The following FRMD3 variants were observed in gnomAD, a reference collection of about 807,000 sequenced individuals.
FRMD3 encodes the protein FERM domain-containing protein 3.
Under a neutral mutation model 70.2 loss-of-function variants are expected in FRMD3, and 33 were observed. The observed-to-expected ratio is 0.47, with a 90% CI of 0.36 to 0.63. The LOEUF (loss-of-function observed/expected upper bound fraction) is 0.63, where lower values mean the gene tolerates loss of function less well. FRMD3 is among the 20% of genes least tolerant of loss of function. The probability of loss-of-function intolerance (pLI) is 0.00; values close to 1 mark genes in which losing one functional copy is unlikely to be tolerated. For missense variants in FRMD3, 632 were observed against 711.4 expected (o/e 0.89, Z 1.27); for synonymous variants, 279 against 255.9 (o/e 1.09, Z -0.86).
chr9:83,524,202 G>T (rs1355937587), intron 1 of FRMD3, among the ~76,000 whole-genome samples: 1 of 152,160 alleles, frequency 6.6e-6, no homozygotes, highest in Non-Finnish European at 1.5e-5. Context: ...ACATTAAAGG[G>T]CAGATAGAAA....
intron 1 of FRMD3, among the ~76,000 whole-genome samples, chr9:83,534,685 A>G (rs1829855029): frequency 6.6e-6 from 1 of 152,218 alleles, no homozygotes; most frequent in Admixed American, 6.5e-5. Context: ...TCTGAAATAT[A>G]AGGACACAGT....
rs980673939 is a variant in FRMD3, at chr9:83,302,646, G to A, written c.927-3460C>T. Among the ~76,000 whole-genome samples the A allele has an allele frequency of 7.3e-5, 11 of 151,542 alleles. No homozygotes were observed. In the South Asian group the frequency reaches 1.5e-3, roughly 20 times the overall value. ...AATATCAATCTCAAACCTCTTCATC[G>A]CCTTCTCACTATGAAGCTACCAAAG... On this transcript the variant is annotated intron_variant, in intron 10 of 13. Transcript: ENST00000304195.
At chr9:83,297,878 G>A (rs1410946899) in intron 12 of FRMD3, 28 of 469,502 alleles carry the variant, frequency 6.0e-5, no homozygotes, top group South Asian at 1.4e-4. Flanking sequence ...AATGCCATCT[G>A]GATGCTTCTC....
intron 5 of FRMD3, among the ~76,000 whole-genome samples, chr9:83,339,720 G>A (rs373581306): frequency 6.6e-6 from 1 of 152,098 alleles, no homozygotes; most frequent in African/African-American, 2.4e-5. Context: ...AACCAACAAC[G>A]CAGGGTCACA....
At position 83,291,498 on chromosome 9, in the gene FRMD3, AC is replaced by A. The variant is rs1834417664; in HGVS notation, c.1071-772del. 2.0e-5 allele frequency among the ~76,000 whole-genome samples: 3 copies of A among 152,142 alleles called. No individual in the cohort carries two copies. In the South Asian group the frequency reaches 6.2e-4, roughly 31 times the overall value. ...CCTGTCAAAACCAAAACCAGTGCAT[AC>A]TTTAAAAAGGAGTCAAATGTTTCCT... On this transcript the variant is annotated intron_variant, in intron 12 of 13. Coordinates refer to ENST00000304195, the MANE Select transcript of FRMD3 (RefSeq NM_174938.6).
chr9:83,388,516 A>T (rs1327013467), intron 2 of FRMD3, among the ~76,000 whole-genome samples: 1 of 152,200 alleles, frequency 6.6e-6, no homozygotes, highest in African/African-American at 2.4e-5. Flanking sequence ...GACCCACCCC[A>T]TGAGCCAGGG....
At chr9:83,467,346 C>G (rs1828155067) in intron 1 of FRMD3, among the ~76,000 whole-genome samples, 1 of 152,052 alleles carries the variant, frequency 6.6e-6, no homozygotes, top group Non-Finnish European at 1.5e-5. Flanking sequence ...ACCATTATTA[C>G]CAAAGGGATT....
At chr9:83,478,405 C>T (rs1311839705) in intron 1 of FRMD3, among the ~76,000 whole-genome samples, 5 of 152,058 alleles carry the variant, frequency 3.3e-5, no homozygotes, top group East Asian at 1.9e-4. Context: ...AAATGATGCT[C>T]GACATCACTA....
chr9:83,538,825 G>C (rs1829961254), upstream of FRMD3, among the ~76,000 whole-genome samples: 1 of 152,212 alleles, frequency 6.6e-6, no homozygotes, highest in African/African-American at 2.4e-5. This position sits in a 1 kb window ranked among gnomAD's most constrained non-coding sequence, Gnocchi z 4.7. Flanking sequence ...GGGACGGAGA[G>C]CGATCCTGAC....
chr9:83,508,887 T>C (rs1428164933), intron 1 of FRMD3, among the ~76,000 whole-genome samples: 1 of 152,100 alleles, frequency 6.6e-6, no homozygotes, highest in Non-Finnish European at 1.5e-5. Context: ...CTAAAATGTG[T>C]ACTATCTGGT....
chr9:83,350,145 C>A (rs1824097319), intron 3 of FRMD3, among the ~76,000 whole-genome samples: 2 of 151,970 alleles, frequency 1.3e-5, no homozygotes, highest in Admixed American at 1.3e-4. Flanking sequence ...GCTGGGCTCA[C>A]AAAAGATTTT....
chr9:83,505,083 C>T (rs1282679442), intron 1 of FRMD3, among the ~76,000 whole-genome samples: 1 of 152,144 alleles, frequency 6.6e-6, no homozygotes, highest in Non-Finnish European at 1.5e-5. Flanking sequence ...TGTGTCTATG[C>T]CTGTCATGAG....
chr9:83,579,078 T>G, the FRMD3 span, among the ~76,000 whole-genome samples: 1 of 151,546 alleles, frequency 6.6e-6, no homozygotes, highest in African/African-American at 2.4e-5. Flanking sequence ...AAGAAAAAAA[T>G]TTAAACCTTA....
chr9:83,406,707 TCAA>T (rs1211944988), intron 1 of FRMD3, among the ~76,000 whole-genome samples: 1 of 152,240 alleles, frequency 6.6e-6, no homozygotes, highest in African/African-American at 2.4e-5. Flanking sequence ...TGACATGTTG[TCAA>T]CGGGTCCTTA....
chr9:83,531,080 C>T (rs892200598), intron 1 of FRMD3, among the ~76,000 whole-genome samples: 3 of 152,182 alleles, frequency 2.0e-5, no homozygotes, highest in African/African-American at 7.2e-5. Context: ...CTCTCTTCCT[C>T]TGGAGGGTAT....
intron 1 of FRMD3, among the ~76,000 whole-genome samples, chr9:83,491,554 G>T (rs1828826298): frequency 6.6e-6 from 1 of 152,082 alleles, no homozygotes; most frequent in Admixed American, 6.5e-5. Flanking sequence ...GTCAGCATAG[G>T]GCACTTCAAG....
At chr9:83,455,946 T>A (rs1827805435) in intron 1 of FRMD3, among the ~76,000 whole-genome samples, 1 of 152,194 alleles carries the variant, frequency 6.6e-6, no homozygotes, top group Admixed American at 6.5e-5. Flanking sequence ...ATCACTTGTA[T>A]ACATGGGGGC....
At chr9:83,304,284 AG>A (rs1835037750) in intron 10 of FRMD3, among the ~76,000 whole-genome samples, 1 of 152,184 alleles carries the variant, frequency 6.6e-6, no homozygotes, top group African/African-American at 2.4e-5. Context: ...TGGTATTAAT[AG>A]TTTTTAAAAG....
At chr9:83,443,623 T>C (rs1827371259) in intron 1 of FRMD3, among the ~76,000 whole-genome samples, 1 of 152,200 alleles carries the variant, frequency 6.6e-6, no homozygotes, top group Admixed American at 6.5e-5. Context: ...GTCTTTATAG[T>C]AGCATGATTT....
Sources: allele counts gnomAD v4.1 joint callset (sites outside exome capture counted in the v4.1 genomes callset), GRCh38; gene constraint gnomAD v4.1.1; non-coding constraint Gnocchi (gnomAD v3.1); transcripts MANE v1.5; gene names NCBI Gene and HGNC (gene_info 2026-07-23, HGNC 2026-07-21).